The following IK variants were observed in gnomAD, a reference collection of about 807,000 sequenced individuals.
IK encodes the protein protein Red.
Under a neutral mutation model 90.9 loss-of-function variants are expected in IK, and 47 were observed. The ratio of observed to expected loss-of-function variants is 0.52; its 90% CI spans 0.41 to 0.66. IK has a LOEUF of 0.66. Among genes scored for constraint, IK ranks in the 30% least tolerant of loss-of-function variants. IK has a pLI of 0.00. For synonymous variants in IK, 201 were observed against 227.5 expected, an observed-to-expected ratio of 0.88 and a Z score of 1.05; for missense variants, 385 against 709.3, an observed-to-expected ratio of 0.54 and a Z score of 5.19.
intron 3 of IK, 39 bp from the exon 4 acceptor site, chr5:140,652,049 G>A (rs1183045787): frequency 6.6e-7 from 1 of 1,520,960 alleles, no homozygotes; most frequent in Admixed American, 1.7e-5. Context: ...TGGGGCTGTG[G>A]CAATATTTTG....
chr5:140,654,653 C>T lies in IK; in HGVS notation c.591-28C>T, dbSNP rs754436450. ...GGACCTAAAGTTAGAGCACATTTAG[C>T]AAAAATAAAACTTTTTTGTCTTTTC... is the stretch of plus-strand genomic sequence containing the variant. On this transcript the variant is annotated intron_variant, in intron 7 of 19. Transcript: ENST00000417647. 5 of 1,589,058 alleles carry T rather than the reference C, an allele frequency of 3.1e-6. No individual in the cohort carries two copies. The East Asian group carries it at 1.1e-4, about 36-fold the overall frequency.
Position 140,648,452 on chromosome 5 carries a change from C to G in IK, c.17-19C>G, listed in dbSNP as rs546721376. On this transcript the variant is annotated intron_variant, in intron 1 of 19. Transcript: ENST00000417647. Reference sequence around the variant, plus strand: ...ACACGTAAGAGACTGATTAAATTAACGTCAATTTTTTTTGTCAGGTGAGCC... The same window carrying G: ...ACACGTAAGAGACTGATTAAATTAAGGTCAATTTTTTTTGTCAGGTGAGCC... 10 of 1,612,714 alleles carry G rather than the reference C, an allele frequency of 6.2e-6. No homozygotes were observed. Among genetic ancestry groups the G allele is most frequent in the African/African-American group, 1.3e-5 (1 of 74,892 alleles).
chr5:140,657,719 C>A, intron 10 of IK, 57 bp downstream of exon 10: 1 of 1,123,526 alleles, frequency 8.9e-7, no homozygotes, highest in Non-Finnish European at 1.3e-6. Context: ...GGGGATAAAA[C>A]CAAGGTCTCC....
At chr5:140,648,626 C>T (rs932497722) in intron 2 of IK, 89 bp downstream of exon 2, 9 of 1,292,142 alleles carry the variant, frequency 7.0e-6, no homozygotes, top group Non-Finnish European at 1.0e-5. Context: ...AATGTCTTGT[C>T]ATCAAGGATG....
In IK at chr5:140,653,170, G is replaced by A. The variant is rs768429648; in HGVS notation, c.404+26G>A. On this transcript the variant is annotated intron_variant, in intron 5 of 19. Coordinates refer to ENST00000417647, the MANE Select transcript of IK (RefSeq NM_006083.4). ...GTGAGTACTGAGGGAACAGGGCATGGTTCCCTCAGCATCCGAGAGTCATGC... is the reference window on the plus strand; with the variant it reads ...GTGAGTACTGAGGGAACAGGGCATGATTCCCTCAGCATCCGAGAGTCATGC... 3.1e-6 allele frequency: 5 copies of A among 1,599,522 alleles called. No homozygotes were observed. The East Asian group carries it at 1.1e-4, about 36-fold the overall frequency.
At chr5:140,660,077 G>A (rs777089359) in intron 14 of IK, 38 bp from the exon 15 acceptor site, 2 of 1,568,458 alleles carry the variant, frequency 1.3e-6, no homozygotes, top group Non-Finnish European at 8.8e-7. Flanking sequence ...ACAGCAATAG[G>A]TAGAATCCTG....
At chr5:140,655,728 G>A in intron 8 of IK, 101 bp from the exon 9 acceptor site, 1 of 1,170,118 alleles carries the variant, frequency 8.5e-7, no homozygotes, top group Non-Finnish European at 1.2e-6. Context: ...ATGACGCAAA[G>A]CTTGCATAGC....
In IK at chr5:140,661,787, G is replaced by A. The variant is rs1480875935; in HGVS notation, c.1502+79G>A. 3 of 1,406,918 alleles carry A rather than the reference G, an allele frequency of 2.1e-6. No homozygotes were observed. The highest frequency in any genetic ancestry group is 1.2e-5 in the South Asian group (1 of 81,362). 87.2% of individuals were successfully genotyped at this position (1,406,918 alleles called of 1,614,324 possible). On this transcript the variant is annotated intron_variant, in intron 17 of 19. Transcript: ENST00000417647. The surrounding 1 kb of genome is among the most constrained non-coding windows in gnomAD (Gnocchi z 4.2). ...GGAATAGTGCATATAAGGTTAGAGGGTGTGGTCTGGCTGAGATGTTCCCCA... is the reference window on the plus strand; with the variant it reads ...GGAATAGTGCATATAAGGTTAGAGGATGTGGTCTGGCTGAGATGTTCCCCA...
intron 15 of IK, 68 bp from the exon 16 acceptor site, chr5:140,660,690 G>T: frequency 8.1e-7 from 1 of 1,240,104 alleles, no homozygotes; most frequent in Non-Finnish European, 1.2e-6. Context: ...CCTCTTAGTC[G>T]GGTAGGTTTC....
intron 8 of IK, 58 bp from the exon 9 acceptor site, chr5:140,655,771 A>G (rs1757698876): frequency 6.4e-7 from 1 of 1,559,704 alleles, no homozygotes. Flanking sequence ...GAGTAAGCAC[A>G]TAAGTGACAG....
At chr5:140,658,162 C>T (rs753213660) in intron 10 of IK, among the ~76,000 whole-genome samples, 47 of 151,966 alleles carry the variant, frequency 3.1e-4, no homozygotes, top group African/African-American at 1.1e-3. Context: ...CGCATCACCA[C>T]GCCTGGCTAA....
At chr5:140,648,187 C>G in intron 1 of IK, 1 of 704,816 alleles carries the variant, frequency 1.4e-6, no homozygotes, top group Non-Finnish European at 2.6e-6. Context: ...TTCCCCCAGT[C>G]CTGTCCCCAT....
Position 140,647,878 on chromosome 5 carries a change from T to C in IK, c.-31T>C, listed in dbSNP as rs754133084. ...TGCGGTGTTGCTGTTGGAGACTCGA[T>C]TGTTGGTGACAGCGAAAGAACGATA... On this transcript the variant is annotated 5_prime_UTR_variant, in exon 1 of 20. Coordinates refer to ENST00000417647, the MANE Select transcript of IK (RefSeq NM_006083.4). 6.2e-7 allele frequency: 1 copy of C among 1,613,714 alleles called. No homozygotes were observed. The highest frequency in any genetic ancestry group is 1.1e-5 in the South Asian group (1 of 91,070).
chr5:140,651,623 T>C, intron 2 of IK, 91 bp from the exon 3 acceptor site: 2 of 704,746 alleles, frequency 2.8e-6, no homozygotes, highest in Non-Finnish European at 4.9e-6. Context: ...TGTATTTCCC[T>C]GATTTCTGTT....
rs1285028632 is a variant in IK, at chr5:140,661,694, A to G, written c.1488A>G (p.Lys496=). The change falls in exon 17 of 20, where the codon AAA becomes AAG. Residue 496 remains lysine, a synonymous_variant. Coordinates refer to ENST00000417647, the MANE Select transcript of IK (RefSeq NM_006083.4). This position sits in a 1 kb window ranked among gnomAD's most constrained non-coding sequence, Gnocchi z 4.2. ...QEEYSEYMNN[K]EALPKAAFQY... is the part of the protein sequence containing the mutation. ...AATACAGCGAGTATATGAACAACAA[A>G]GAAGCTTTGCCCAAGTGAGTCGGTA... 1 of 1,608,390 alleles carries G rather than the reference A, an allele frequency of 6.2e-7. No individual in the cohort carries two copies. Among genetic ancestry groups the G allele is most frequent in the African/African-American group, 1.3e-5 (1 of 74,856 alleles).
In IK at chr5:140,661,422, T is replaced by G. The variant is rs920676647; in HGVS notation, c.1414-198T>G. 10 of 548,852 alleles carry G rather than the reference T, an allele frequency of 1.8e-5. No individual in the cohort carries two copies. In the Admixed American group the frequency reaches 2.5e-4, roughly 14 times the overall value. 34.0% of individuals were successfully genotyped at this position (548,852 alleles called of 1,614,324 possible). A position where few individuals can be genotyped will look rare whatever the true frequency, so the allele number is the denominator to read the frequency against. On this transcript the variant is annotated intron_variant, in intron 16 of 19. Transcript: ENST00000417647. This position sits in a 1 kb window ranked among gnomAD's most constrained non-coding sequence, Gnocchi z 4.2. ...CTTCATAGATTTTATGAGAATTAAGTGAGATATGCATTTAGTGTACAGAAT... is the reference window on the plus strand; with the variant it reads ...CTTCATAGATTTTATGAGAATTAAGGGAGATATGCATTTAGTGTACAGAAT...
chr5:140,655,769 A>C, intron 8 of IK, 60 bp from the exon 9 acceptor site: 1 of 1,548,438 alleles, frequency 6.5e-7, no homozygotes, highest in Non-Finnish European at 8.8e-7. Context: ...CAGAGTAAGC[A>C]CATAAGTGAC....
Position 140,654,668 on chromosome 5 carries a change from T to C in IK, c.591-13T>C. ...GCACATTTAGCAAAAATAAAACTTT[T>C]TTGTCTTTTCAGGAAAGATGAGGAT... On this transcript the variant is annotated splice_polypyrimidine_tract_variant and intron_variant, in intron 7 of 19. Coordinates refer to ENST00000417647, the MANE Select transcript of IK (RefSeq NM_006083.4). The C allele has an allele frequency of 6.3e-7, 1 of 1,599,826 alleles. No homozygotes were observed. The highest frequency in any genetic ancestry group is 8.5e-7 in the Non-Finnish European group (1 of 1,171,356).
At chr5:140,654,125 G>T in intron 6 of IK, 73 bp downstream of exon 6, 1 of 850,264 alleles carries the variant, frequency 1.2e-6, no homozygotes, top group South Asian at 1.4e-5. Flanking sequence ...GCAAGATGAG[G>T]AGGGAGATTC....
Sources: allele counts gnomAD v4.1 joint callset (sites outside exome capture counted in the v4.1 genomes callset), GRCh38; gene constraint gnomAD v4.1.1; non-coding constraint Gnocchi (gnomAD v3.1); transcripts MANE v1.5; gene names NCBI Gene and HGNC (gene_info 2026-07-23, HGNC 2026-07-21).